The following ABCC1 variants were observed in gnomAD, a reference collection of about 807,000 sequenced individuals.
ABCC1 encodes the protein multidrug resistance-associated protein 1.
Under a neutral mutation model 172.9 loss-of-function variants are expected in ABCC1, and 83 were observed. The observed-to-expected ratio is 0.48, with a 90% CI of 0.40 to 0.58. The LOEUF (loss-of-function observed/expected upper bound fraction) is 0.58, where lower values mean the gene tolerates loss of function less well. ABCC1 is among the 20% of genes least tolerant of loss of function. ABCC1 has a pLI of 0.00. For missense variants in ABCC1, 1,817 were observed against 2,002.7 expected, an observed-to-expected ratio of 0.91 and a Z score of 1.77; for synonymous variants, 937 against 825.2, an observed-to-expected ratio of 1.14 and a Z score of -2.32.
chr16:16,094,836 T>TTGA (rs1176318488), intron 19 of ABCC1, among the ~76,000 whole-genome samples: 1 of 140,820 alleles, frequency 7.1e-6, no homozygotes, highest in African/African-American at 2.7e-5. Context: ...TTTTTTTTTT[T>TTGA]GATACAGAGT....
intron 23 of ABCC1, among the ~76,000 whole-genome samples, chr16:16,120,599 G>A (rs2045108060): frequency 6.6e-6 from 1 of 152,274 alleles, no homozygotes; most frequent in African/African-American, 2.4e-5. Flanking sequence ...CCCGGAGAAG[G>A]TGCTCATGGA....
chr16:16,048,042 T>G (rs1452462324), intron 9 of ABCC1, 100 bp from the exon 10 acceptor site: 8 of 1,427,596 alleles, frequency 5.6e-6, no homozygotes, highest in Non-Finnish European at 7.7e-6. Flanking sequence ...CTGCGGCATT[T>G]CTGCCCCTGA....
At position 15,949,816 on chromosome 16, in the gene ABCC1, GC is replaced by G. The variant is rs1488670125; in HGVS notation, c.48+18del. The G allele has an allele frequency of 8.4e-7, 1 of 1,194,388 alleles. No individual in the cohort carries two copies. The highest frequency in any genetic ancestry group is 3.5e-5 in the East Asian group (1 of 28,232). The allele number at this position is 1,194,388 out of a possible 1,614,324, so 74.0% of individuals were successfully genotyped here. A position where few individuals can be genotyped will look rare whatever the true frequency, so the allele number is the denominator to read the frequency against. ...CCGCTCTGGGTACGTGCCGGGGGCC[GC>G]GTGAGGCCGGCGGGACGGAGGGAGG... On this transcript the variant is annotated intron_variant, in intron 1 of 30. Coordinates refer to ENST00000399410, the MANE Select transcript of ABCC1 (RefSeq NM_004996.4).
At chr16:15,999,538 C>T (rs975683639) in intron 1 of ABCC1, among the ~76,000 whole-genome samples, 16 of 151,502 alleles carry the variant, frequency 1.1e-4, no homozygotes, top group African/African-American at 3.9e-4. Context: ...TCGTTTGAAC[C>T]CGGGAGGCAG....
At chr16:16,058,187 A>G (rs1210824278) in intron 12 of ABCC1, among the ~76,000 whole-genome samples, 1 of 152,212 alleles carries the variant, frequency 6.6e-6, no homozygotes, top group East Asian at 1.9e-4. Flanking sequence ...GCCGCAAATC[A>G]GGAGACCATA....
chr16:16,054,620 C>T (rs1052350829), intron 11 of ABCC1, among the ~76,000 whole-genome samples: 1 of 151,986 alleles, frequency 6.6e-6, no homozygotes, highest in Non-Finnish European at 1.5e-5. Flanking sequence ...ATGGGTGAGG[C>T]AGGGGCTTTA....
Position 16,007,827 on chromosome 16 carries a change from C to T in ABCC1, c.60C>T (p.Val20=). The T allele has an allele frequency of 6.2e-7, 1 of 1,612,310 alleles. No individual in the cohort carries two copies. Among genetic ancestry groups the T allele is most frequent in the Non-Finnish European group, 8.5e-7 (1 of 1,179,238 alleles). The change falls in exon 2 of 31, where the codon GTC becomes GTT. Residue 20 remains valine, a synonymous_variant. Transcript: ENST00000399410. ...GTTTGTGTTCGCAGGACTGGAATGT[C>T]ACGTGGAATACCAGCAACCCCGACT... ...DGSDPLWDWN[V]TWNTSNPDFT...
At chr16:16,118,719 G>A (rs1355011560) in intron 23 of ABCC1, among the ~76,000 whole-genome samples, 1 of 151,722 alleles carries the variant, frequency 6.6e-6, no homozygotes, top group Non-Finnish European at 1.5e-5. Flanking sequence ...CGTTATCACC[G>A]AGATGAAATG....
chr16:16,105,993 C>T (rs1007183074), intron 20 of ABCC1, among the ~76,000 whole-genome samples: 1 of 151,702 alleles, frequency 6.6e-6, no homozygotes, highest in Non-Finnish European at 1.5e-5. Flanking sequence ...TCTCCTGCCT[C>T]AACCTCCCAA....
chr16:16,086,739 G>A (rs1020186492), intron 17 of ABCC1, 85 bp from the exon 18 acceptor site: 4 of 1,514,458 alleles, frequency 2.6e-6, no homozygotes, highest in Non-Finnish European at 3.6e-6. Context: ...AAAGTTCTGG[G>A]ATCACACCAC....
chr16:16,007,450 C>G (rs1476963670), intron 1 of ABCC1, among the ~76,000 whole-genome samples: 1 of 152,130 alleles, frequency 6.6e-6, no homozygotes, highest in Non-Finnish European at 1.5e-5. Context: ...GTCTCGAACT[C>G]CCAGCCTAAA....
intron 1 of ABCC1, among the ~76,000 whole-genome samples, chr16:15,961,619 G>A (rs2046135032): frequency 6.6e-6 from 1 of 152,096 alleles, no homozygotes; most frequent in African/African-American, 2.4e-5. Flanking sequence ...GAACGTGTTC[G>A]TTTGTGTGTA....
chr16:16,093,466 C>T (rs1825282808), intron 19 of ABCC1, among the ~76,000 whole-genome samples: 2 of 151,982 alleles, frequency 1.3e-5, no homozygotes, highest in South Asian at 4.2e-4. Context: ...GATTTTTGTA[C>T]ACATCAGCAC....
intron 1 of ABCC1, among the ~76,000 whole-genome samples, chr16:15,987,493 C>T (rs956308768): frequency 2.2e-4 from 34 of 152,172 alleles, no homozygotes; most frequent in Admixed American, 2.0e-3. Context: ...TATTTCCCGT[C>T]GTGGGGGCTG....
chr16:16,016,672 C>T (rs772727277), intron 5 of ABCC1, 51 bp downstream of exon 5: 26 of 1,606,236 alleles, frequency 1.6e-5, no homozygotes, highest in South Asian at 8.9e-5. Flanking sequence ...GAGAGAGATG[C>T]GTGACACAGT....
At chr16:15,962,275 C>T (rs1442244335) in intron 1 of ABCC1, among the ~76,000 whole-genome samples, 1 of 152,172 alleles carries the variant, frequency 6.6e-6, no homozygotes, top group Admixed American at 6.5e-5. Context: ...CATCTTTGGA[C>T]TTATTTTAAA....
intron 1 of ABCC1, among the ~76,000 whole-genome samples, chr16:15,963,661 AG>A (rs1159986744): frequency 2.6e-5 from 4 of 152,268 alleles, no homozygotes; most frequent in Non-Finnish European, 2.9e-5. Flanking sequence ...GCACAGCCTG[AG>A]CTGTGTACCT....
chr16:16,105,878 C>CT (rs574151579), intron 20 of ABCC1, among the ~76,000 whole-genome samples: 44,071 of 126,338 alleles, frequency 0.35, 8,660 homozygotes, highest in African/African-American at 0.51. Context: ...GCGAAAAGTG[C>CT]TTTTTTTTTT....
chr16:16,007,925 A>G lies in ABCC1; in HGVS notation c.158A>G (p.Tyr53Cys), dbSNP rs762631300. Residue 53 changes from tyrosine (Y) to cysteine (C), a missense_variant, in exon 2 of 31, where the codon TAC (tyrosine) becomes TGC (cysteine). Tyr to Cys is a radical substitution (Grantham distance 194). Around this residue, in one of 3 missense-constraint regions of ABCC1, gnomAD observed 398 missense variants for 384.2 expected, o/e 1.04. Coordinates refer to ENST00000399410, the MANE Select transcript of ABCC1 (RefSeq NM_004996.4). ...CFYLWACFPF[Y>C]FLYLSRHDRG... ...TACCTCTGGGCCTGTTTCCCCTTCT[A>G]CTTCCTCTATCTCTCCCGACATGAC... 3.5e-5 allele frequency: 56 copies of G among 1,609,190 alleles called. No homozygotes were observed. The highest frequency in any genetic ancestry group is 6.8e-5 in the Admixed American group (4 of 59,200).
Sources: allele counts gnomAD v4.1 joint callset (sites outside exome capture counted in the v4.1 genomes callset), GRCh38; gene constraint gnomAD v4.1.1; regional missense constraint gnomAD v4.1.1; transcripts MANE v1.5; gene names NCBI Gene and HGNC (gene_info 2026-07-23, HGNC 2026-07-21).